DOCK5: variants seen among roughly 807,000 people sequenced by gnomAD.
The protein encoded by DOCK5 is dedicator of cytokinesis protein 5.
In DOCK5, 142 loss-of-function variants were observed where a neutral mutation model predicts 251.8. That is an observed-to-expected ratio of 0.56 (90% CI 0.49 to 0.65). The LOEUF (loss-of-function observed/expected upper bound fraction) is 0.65, where lower values mean the gene tolerates loss of function less well. Ranked by LOEUF, DOCK5 falls within the 30% of genes least tolerant of loss-of-function variation. The probability of loss-of-function intolerance (pLI) is 0.00; values close to 1 mark genes in which losing one functional copy is unlikely to be tolerated. For missense variants in DOCK5, 2,111 were observed against 2,312.3 expected (o/e 0.91, Z 1.79); for synonymous variants, 842 against 835.5 (o/e 1.01, Z -0.13).
intron 38 of DOCK5, among the ~76,000 whole-genome samples, chr8:25,379,331 A>T (rs1343655603): frequency 6.6e-6 from 1 of 152,098 alleles, no homozygotes; most frequent in African/African-American, 2.4e-5. Context: ...CAAGGAATGC[A>T]TTCCTTTCCC....
In DOCK5 at chr8:25,210,091, TC is replaced by T. The variant is rs1243988078; in HGVS notation, c.43+25141del. Among the ~76,000 whole-genome samples, 2 of 33,030 alleles carry T rather than the reference TC, an allele frequency of 6.1e-5. 1 individual carries two copies. The highest frequency in any genetic ancestry group is 8.9e-4 in the East Asian group (2 of 2,248). The allele number at this position is 33,030 out of a possible 152,430, so 21.7% of individuals were successfully genotyped here. ...GTGTATCTGTCTATTTATCTATCTA[TC>T]TATCTATCTATCTATCTATCTATCT... On this transcript the variant is annotated intron_variant, in intron 1 of 51. Coordinates refer to ENST00000276440, the MANE Select transcript of DOCK5 (RefSeq NM_024940.8).
At chr8:25,384,455 ATTTATTTATTTTTT>A (rs902419153) in intron 40 of DOCK5, among the ~76,000 whole-genome samples, 10 of 45,202 alleles carry the variant, frequency 2.2e-4, no homozygotes, top group African/African-American at 7.6e-4. Flanking sequence ...TTATTTATTT[ATTTATTTATTTTTT>A]TTTTTTTTGA....
rs561308896 is a variant in DOCK5 at position 25,212,891 on chromosome 8, C to A, written c.43+27940C>A. 1.5e-4 allele frequency among the ~76,000 whole-genome samples: 10 copies of A among 68,454 alleles called. 4 individuals are homozygous for A. The East Asian group carries it at 3.3e-3, about 22-fold the overall frequency. 44.9% of individuals were successfully genotyped at this position (68,454 alleles called of 152,430 possible). ...GAGGGCTTGGCGTGGCTTAATTGACCCCTGAGTTTTGACTGCCAAAACCCT... is the reference window on the plus strand; with the variant it reads ...GAGGGCTTGGCGTGGCTTAATTGACACCTGAGTTTTGACTGCCAAAACCCT... On this transcript the variant is annotated intron_variant, in intron 1 of 51. Transcript: ENST00000276440.
At chr8:25,403,283 C>G (rs1387267404) in intron 47 of DOCK5, among the ~76,000 whole-genome samples, 3 of 152,154 alleles carry the variant, frequency 2.0e-5, no homozygotes, top group Non-Finnish European at 4.4e-5. Context: ...TTAATTTTTT[C>G]CTGTCTCATT....
Position 25,316,916 on chromosome 8 carries a change from C to T in DOCK5, c.1319-91C>T, listed in dbSNP as rs536685112. On this transcript the variant is annotated intron_variant, in intron 13 of 51. Transcript: ENST00000276440. Reference sequence around the variant, plus strand: ...AGTTCAGTATAAAACCAGACCATTTCGTGTTGTCTTTACCTTTTATGTCGT... The same window carrying T: ...AGTTCAGTATAAAACCAGACCATTTTGTGTTGTCTTTACCTTTTATGTCGT... 3.7e-4 allele frequency: 553 copies of T among 1,493,052 alleles called. 2 individuals are homozygous for T. Among genetic ancestry groups the T allele is most frequent in the African/African-American group, 3.6e-3 (263 of 72,578 alleles). 92.5% of individuals were successfully genotyped at this position (1,493,052 alleles called of 1,614,324 possible). A position where few individuals can be genotyped will look rare whatever the true frequency, so the allele number is the denominator to read the frequency against.
chr8:25,395,659 C>A lies in DOCK5; in HGVS notation c.4644C>A (p.Ser1548=), dbSNP rs765489949. 3 of 1,613,736 alleles carry A rather than the reference C, an allele frequency of 1.9e-6. No individual in the cohort carries two copies. In the East Asian group the frequency reaches 6.7e-5, roughly 36 times the overall value. Reference sequence around the variant, plus strand: ...GGTCCCTCTCTGTGCACCCTCTCTCCATGCTGCTCAGTGGCATCGTGGACC... The same window carrying A: ...GGTCCCTCTCTGTGCACCCTCTCTCAATGCTGCTCAGTGGCATCGTGGACC... ...WDRSLSVHPL[S]MLLSGIVDPA... is the part of the protein sequence containing the mutation. The change falls in exon 45 of 52, where the codon TCC becomes TCA. Residue 1548 remains serine, a synonymous_variant. Transcript: ENST00000276440.
intron 38 of DOCK5, 96 bp from the exon 39 acceptor site, chr8:25,380,209 C>A: frequency 9.4e-7 from 1 of 1,063,440 alleles, no homozygotes; most frequent in Non-Finnish European, 1.4e-6. Context: ...TCCCCCAGAC[C>A]ACTTGCTCAT....
intron 1 of DOCK5, among the ~76,000 whole-genome samples, chr8:25,190,775 GGTTTTTTTT>G (rs1296145782): frequency 1.3e-4 from 7 of 53,980 alleles, no homozygotes; most frequent in South Asian, 6.7e-4. Context: ...CTTGGTCATG[GGTTTTTTTT>G]TTTTTTTTTT....
rs1393465407 is a variant in DOCK5, at chr8:25,341,019, C to A, written c.2439+31C>A. 5.8e-6 allele frequency: 9 copies of A among 1,553,216 alleles called. 1 individual carries two copies. The highest frequency in any genetic ancestry group is 7.9e-6 in the Non-Finnish European group (9 of 1,134,154). The stretch of plus-strand genomic sequence containing the variant: ...CCTGGCAGCATCATGGGTAACTCTT[C>A]TTAGGCTGTGGTAAGGATGTTCTGG... On this transcript the variant is annotated intron_variant, in intron 23 of 51. Transcript: ENST00000276440.
rs148687062 is a variant in DOCK5, at chr8:25,403,712, C to T, written c.5081C>T (p.Pro1694Leu). The T allele has an allele frequency of 2.0e-5, 32 of 1,613,806 alleles. No homozygotes were observed. Among genetic ancestry groups the T allele is most frequent in the African/African-American group, 1.5e-4 (11 of 74,996 alleles). ...TCGTCTGACAATGCTCCTTCCAGAC[C>T]GGGATCTGATGGGTAAGGGTTTCAT... ...SNSSDNAPSR[P>L]GSDGSILEPL... The change falls in exon 48 of 52, where the codon CCG (proline) becomes CTG (leucine). Residue 1694 changes from proline to leucine, a missense_variant. Physicochemically the swap from Pro to Leu is moderately conservative, Grantham distance 98 (BLOSUM62 -3). This residue lies in a region of DOCK5 where 1,717 missense variants were observed against 1,892.4 expected (regional missense o/e 0.91). Coordinates refer to ENST00000276440, the MANE Select transcript of DOCK5 (RefSeq NM_024940.8).
At chr8:25,256,007 A>G (rs911515925) in intron 2 of DOCK5, among the ~76,000 whole-genome samples, 3 of 152,196 alleles carry the variant, frequency 2.0e-5, no homozygotes, top group Non-Finnish European at 4.4e-5. Flanking sequence ...TGTTTTATTG[A>G]TGGGTCTTAG....
chr8:25,346,564 G>A lies in DOCK5; in HGVS notation c.2754+953G>A, dbSNP rs1266668132. Among the ~76,000 whole-genome samples, 2 of 97,654 alleles carry A rather than the reference G, an allele frequency of 2.0e-5. 1 individual carries two copies. The highest frequency in any genetic ancestry group is 4.3e-5 in the Non-Finnish European group (2 of 46,592). 64.1% of individuals were successfully genotyped at this position (97,654 alleles called of 152,430 possible). On this transcript the variant is annotated intron_variant, in intron 26 of 51. Coordinates refer to ENST00000276440, the MANE Select transcript of DOCK5 (RefSeq NM_024940.8). ...GCTAAGGCCGGGCGTGGTGGCTCAC[G>A]CCTGTAACCCCAGCACTTTGGGAGG...
intron 1 of DOCK5, among the ~76,000 whole-genome samples, chr8:25,197,575 C>A (rs13267471): frequency 9.2e-6 from 1 of 108,308 alleles, no homozygotes; most frequent in African/African-American, 4.1e-5. Flanking sequence ...GTGTCTTTGT[C>A]TTTTTTTTTT....
At chr8:25,225,323 T>C (rs1000624233) in intron 1 of DOCK5, among the ~76,000 whole-genome samples, 35 of 152,180 alleles carry the variant, frequency 2.3e-4, no homozygotes, top group African/African-American at 7.7e-4. Flanking sequence ...CCATTCACAA[T>C]AGCAAAACAT....
At chr8:25,353,325 G>A (rs1800504872) in intron 27 of DOCK5, among the ~76,000 whole-genome samples, 1 of 152,236 alleles carries the variant, frequency 6.6e-6, no homozygotes, top group East Asian at 1.9e-4. Context: ...GGGTGACTGA[G>A]TAAGACCCTG....
chr8:25,343,965 C>A (rs1186719649), intron 25 of DOCK5, among the ~76,000 whole-genome samples: 1 of 152,138 alleles, frequency 6.6e-6, no homozygotes, highest in African/African-American at 2.4e-5. Flanking sequence ...ACCACCATGC[C>A]CAGCTAATTT....
At chr8:25,311,497 C>G (rs556029056) in intron 13 of DOCK5, among the ~76,000 whole-genome samples, 2 of 147,962 alleles carry the variant, frequency 1.4e-5, no homozygotes, top group Non-Finnish European at 3.0e-5. Flanking sequence ...GGGCCGAGAT[C>G]GCACCACTGC....
chr8:25,360,245 G>A (rs1800652569), intron 28 of DOCK5, among the ~76,000 whole-genome samples: 1 of 152,198 alleles, frequency 6.6e-6, no homozygotes, highest in Admixed American at 6.5e-5. Flanking sequence ...GAAGGAAAGT[G>A]CTGTTTGTTA....
chr8:25,229,924 CT>C (rs1471721120), intron 1 of DOCK5, among the ~76,000 whole-genome samples: 2 of 152,240 alleles, frequency 1.3e-5, no homozygotes, highest in East Asian at 3.9e-4. Context: ...ATGGTTCCAG[CT>C]TGCTCATCCT....
Sources: allele counts gnomAD v4.1 joint callset (sites outside exome capture counted in the v4.1 genomes callset), GRCh38; gene constraint gnomAD v4.1.1; regional missense constraint gnomAD v4.1.1; transcripts MANE v1.5; gene names NCBI Gene and HGNC (gene_info 2026-07-23, HGNC 2026-07-21).